Variants in IGFBP2 observed in about 807,000 individuals in gnomAD.
The protein encoded by IGFBP2 is insulin like growth factor binding protein 2.
In IGFBP2, 12 loss-of-function variants were observed where a neutral mutation model predicts 26.2. That is an observed-to-expected ratio of 0.46 (90% confidence interval 0.29 to 0.74). The LOEUF (loss-of-function observed/expected upper bound fraction) is 0.74. Among genes scored for constraint, IGFBP2 ranks in the 30% least tolerant of loss-of-function variants. The pLI, the probability that IGFBP2 is intolerant of heterozygous loss-of-function variation, is 0.09. For synonymous variants in IGFBP2, 189 were observed against 200.6 expected (o/e 0.94, Z 0.49); for missense variants, 328 against 441.2 (o/e 0.74, Z 2.30).
chr2:216,652,393 C>G (rs1697845158), intron 1 of IGFBP2, among the ~76,000 whole-genome samples: 1 of 152,188 alleles, frequency 6.6e-6, no homozygotes, highest in South Asian at 2.1e-4. Flanking sequence ...TCAGACTGGT[C>G]TCGAACTCCT....
At chr2:216,659,994 T>C (rs2106206168) in intron 1 of IGFBP2, among the ~76,000 whole-genome samples, 1 of 152,140 alleles carries the variant, frequency 6.6e-6, no homozygotes, top group South Asian at 2.1e-4. Context: ...TTCTCACTCC[T>C]TTGCCATATA....
At chr2:216,650,141 A>G (rs1394979743) in intron 1 of IGFBP2, among the ~76,000 whole-genome samples, 2 of 152,210 alleles carry the variant, frequency 1.3e-5, no homozygotes, top group African/African-American at 2.4e-5. Context: ...GAGGAGAGGT[A>G]TCATTCAACA....
intron 1 of IGFBP2, among the ~76,000 whole-genome samples, chr2:216,639,906 G>C (rs904640703): frequency 1.3e-5 from 2 of 152,202 alleles, no homozygotes; most frequent in Non-Finnish European, 2.9e-5. Context: ...GCCTCCCAAA[G>C]TGCTGTGAGT....
chr2:216,647,629 C>G (rs1275335295), intron 1 of IGFBP2, among the ~76,000 whole-genome samples: 3 of 152,218 alleles, frequency 2.0e-5, no homozygotes, highest in African/African-American at 7.2e-5. Context: ...GCACCATTCT[C>G]CTGCCTCAGC....
At chr2:216,660,379 T>C (rs1698012910) in intron 1 of IGFBP2, among the ~76,000 whole-genome samples, 178 bp from the exon 2 acceptor site, 1 of 152,112 alleles carries the variant, frequency 6.6e-6, no homozygotes. Flanking sequence ...AGAGTTAGGG[T>C]GAAGCTGAAA....
At chr2:216,643,795 A>G (rs954281090) in intron 1 of IGFBP2, among the ~76,000 whole-genome samples, 1 of 152,194 alleles carries the variant, frequency 6.6e-6, no homozygotes, top group Non-Finnish European at 1.5e-5. Context: ...GAGGGCTTTC[A>G]TGGTGGAGGC....
intron 1 of IGFBP2, among the ~76,000 whole-genome samples, chr2:216,647,718 C>T (rs1272198586): frequency 1.3e-5 from 2 of 152,164 alleles, no homozygotes; most frequent in South Asian, 2.1e-4. Flanking sequence ...GACGGGGTTT[C>T]ACCATGTTAG....
intron 1 of IGFBP2, among the ~76,000 whole-genome samples, chr2:216,644,725 T>G (rs964075504): frequency 2.6e-5 from 4 of 152,198 alleles, no homozygotes; most frequent in Admixed American, 6.5e-5. Context: ...ATTTTGTTTT[T>G]TTTGTTTGTT....
intron 1 of IGFBP2, among the ~76,000 whole-genome samples, chr2:216,658,766 G>C (rs564353467): frequency 6.6e-6 from 1 of 151,936 alleles, no homozygotes; most frequent in African/African-American, 2.4e-5. Context: ...TGGCCAGGCT[G>C]GTCTTGAATT....
chr2:216,657,515 C>T (rs1254169947), intron 1 of IGFBP2, among the ~76,000 whole-genome samples: 1 of 151,888 alleles, frequency 6.6e-6, no homozygotes, highest in African/African-American at 2.4e-5. Flanking sequence ...AGAAATCTGC[C>T]GCACGGTGGG....
At chr2:216,659,713 G>C in intron 1 of IGFBP2, 1 of 1,535,556 alleles carries the variant, frequency 6.5e-7, no homozygotes, top group Non-Finnish European at 8.7e-7. Context: ...ATGGACGCTT[G>C]TTGGACAGAC....
intron 1 of IGFBP2, among the ~76,000 whole-genome samples, chr2:216,654,627 T>C (rs1189194984): frequency 6.6e-6 from 1 of 152,196 alleles, no homozygotes; most frequent in Non-Finnish European, 1.5e-5. Context: ...TACTTCAAGA[T>C]GTGGAGTTCA....
At chr2:216,663,632 C>T in intron 3 of IGFBP2, 1 of 291,070 alleles carries the variant, frequency 3.4e-6, no homozygotes, top group Non-Finnish European at 6.5e-6. Context: ...CTCTTTGAGG[C>T]TGGGGACTGA....
intron 1 of IGFBP2, among the ~76,000 whole-genome samples, chr2:216,657,139 G>A (rs1697935850): frequency 6.6e-6 from 1 of 152,178 alleles, no homozygotes; most frequent in Non-Finnish European, 1.5e-5. Context: ...GGTGGGAGTG[G>A]GGAGACTTTC....
intron 1 of IGFBP2, among the ~76,000 whole-genome samples, chr2:216,651,573 A>G (rs780211794): frequency 2.6e-5 from 4 of 152,240 alleles, no homozygotes; most frequent in Non-Finnish European, 5.9e-5. Context: ...ATATTTAGCA[A>G]TGTATAAAAT....
intron 3 of IGFBP2, 37 bp downstream of exon 3, chr2:216,662,035 C>T: frequency 1.2e-6 from 2 of 1,609,782 alleles, no homozygotes; most frequent in Non-Finnish European, 1.7e-6. Context: ...AGCAGCTCCT[C>T]CTCAGCCCTG....
chr2:216,636,858 C>G (rs954233679), intron 1 of IGFBP2, among the ~76,000 whole-genome samples: 2 of 142,470 alleles, frequency 1.4e-5, no homozygotes, highest in South Asian at 4.4e-4. Context: ...GCCCGCTGCA[C>G]GTATAAAGGT....
chr2:216,633,813 C>T lies in IGFBP2; in HGVS notation c.290C>T (p.Ala97Val). 1.3e-6 allele frequency: 2 copies of T among 1,516,758 alleles called. No homozygotes were observed. The highest frequency in any genetic ancestry group is 8.8e-7 in the Non-Finnish European group (1 of 1,137,994). The allele number at this position is 1,516,758 out of a possible 1,614,324, so 94.0% of individuals were successfully genotyped here. ...CSVCARLEGE[A>V]CGVYTPRCGQ... ...GTGTGCGCCCGGCTGGAGGGCGAGG[C>T]GTGCGGCGTCTACACCCCGCGCTGC... The change falls in exon 1 of 4, where the codon GCG becomes GTG. Residue 97 changes from alanine to valine, a missense_variant. Coordinates refer to ENST00000233809, the MANE Select transcript of IGFBP2 (RefSeq NM_000597.3).
At chr2:216,659,703 A>G (rs780433937) in intron 1 of IGFBP2, 15 of 1,534,888 alleles carry the variant, frequency 9.8e-6, no homozygotes, top group Non-Finnish European at 7.0e-6. Flanking sequence ...AGGAGACTTA[A>G]TGGACGCTTG....
Sources: allele counts gnomAD v4.1 joint callset (sites outside exome capture counted in the v4.1 genomes callset), GRCh38; gene constraint gnomAD v4.1.1; transcripts MANE v1.5; gene names NCBI Gene and HGNC (gene_info 2026-07-23, HGNC 2026-07-21).